Variants in RFX4 observed in about 807,000 individuals in gnomAD.
RFX4 encodes regulatory factor X4.
A neutral mutation model predicts 95.0 loss-of-function variants in RFX4; 10 were observed. That is an observed-to-expected ratio of 0.11 (90% CI 0.06 to 0.18). The LOEUF (loss-of-function observed/expected upper bound fraction) is 0.18, where lower values mean the gene tolerates loss of function less well. Ranked by LOEUF, RFX4 falls within the 10% of genes least tolerant of loss-of-function variation. The probability of loss-of-function intolerance (pLI) is 1.00; values close to 1 mark genes in which losing one functional copy is unlikely to be tolerated. For missense variants in RFX4, 640 were observed against 922.0 expected (o/e 0.69, Z 3.96); for synonymous variants, 321 against 340.7 (o/e 0.94, Z 0.64).
At chr12:106,624,691 A>G (rs969981913) in intron 2 of RFX4, among the ~76,000 whole-genome samples, 2 of 152,122 alleles carry the variant, frequency 1.3e-5, no homozygotes, top group African/African-American at 4.8e-5. Flanking sequence ...AAGAAAAGGA[A>G]TAGACCATAT....
At chr12:106,748,291 T>C (rs1007570064) in intron 16 of RFX4, among the ~76,000 whole-genome samples, 2 of 152,204 alleles carry the variant, frequency 1.3e-5, no homozygotes, top group East Asian at 1.9e-4. Context: ...TGGCTCTTTG[T>C]ACACTTCGCA....
chr12:106,708,150 A>G (rs1292908008), intron 8 of RFX4, among the ~76,000 whole-genome samples: 5 of 152,214 alleles, frequency 3.3e-5, no homozygotes, highest in Non-Finnish European at 7.3e-5. Flanking sequence ...ACTGATGAGC[A>G]GAATGATGTA....
chr12:106,659,466 T>C (rs1239225406), intron 4 of RFX4, among the ~76,000 whole-genome samples: 3 of 152,228 alleles, frequency 2.0e-5, no homozygotes, highest in African/African-American at 7.2e-5. Context: ...ACAATTGGCA[T>C]GCTCATGACG....
chr12:106,664,736 G>A (rs1417132802), intron 4 of RFX4, among the ~76,000 whole-genome samples: 1 of 151,598 alleles, frequency 6.6e-6, no homozygotes, highest in East Asian at 1.9e-4. Flanking sequence ...TTTTAATGTT[G>A]CATTTTCATT....
At chr12:106,623,652 G>C (rs781709359) in intron 2 of RFX4, among the ~76,000 whole-genome samples, 1 of 152,202 alleles carries the variant, frequency 6.6e-6, no homozygotes, top group Non-Finnish European at 1.5e-5. Context: ...TGTTAAGAAT[G>C]CTTTGGCCTG....
At chr12:106,591,261 CCTTTT>C (rs1303319366) in intron 1 of RFX4, among the ~76,000 whole-genome samples, 36 of 66,458 alleles carry the variant, frequency 5.4e-4, no homozygotes, top group African/African-American at 2.2e-3. Context: ...TAAAATAGTC[CCTTTT>C]TTTTTTTTTT....
chr12:106,680,576 A>G (rs1042048104), intron 4 of RFX4, among the ~76,000 whole-genome samples: 6 of 152,224 alleles, frequency 3.9e-5, no homozygotes, highest in Non-Finnish European at 5.9e-5. Context: ...ATTCATCCCC[A>G]TCCCTAGAGA....
chr12:106,592,182 G>A (rs2039557156), intron 1 of RFX4, among the ~76,000 whole-genome samples: 1 of 139,798 alleles, frequency 7.2e-6, no homozygotes, highest in Admixed American at 7.6e-5. Flanking sequence ...TAGGTGTCTA[G>A]TTGGGAAAGG....
At chr12:106,611,935 G>A (rs974339858) in intron 2 of RFX4, among the ~76,000 whole-genome samples, 1 of 152,198 alleles carries the variant, frequency 6.6e-6, no homozygotes, top group African/African-American at 2.4e-5. Context: ...TCATGTATGT[G>A]GAGGTTTATT....
rs189389640 is a variant in RFX4 at position 106,609,312 on chromosome 12, G to A, written c.130+429G>A. Among the ~76,000 whole-genome samples the A allele has an allele frequency of 7.2e-5, 11 of 152,294 alleles. No homozygotes were observed. In the East Asian group the frequency reaches 1.2e-3, roughly 16 times the overall value. On this transcript the variant is annotated intron_variant, in intron 2 of 17. Transcript: ENST00000392842. ...ATATCAGAAAGCAGAAATTTCTTCC[G>A]GTTCTTGGACTAGAGAGCTAGAGTT...
chr12:106,671,680 G>T (rs767683565), intron 4 of RFX4, among the ~76,000 whole-genome samples: 9 of 151,756 alleles, frequency 5.9e-5, no homozygotes, highest in Non-Finnish European at 1.0e-4. Flanking sequence ...CTTTTGTTTG[G>T]AGATGGAGTC....
chr12:106,689,351 C>A lies in RFX4; in HGVS notation c.656C>A (p.Ala219Asp). The change falls in exon 7 of 18, where the codon GCC becomes GAC. Residue 219 changes from alanine to aspartate, a missense_variant. Physicochemically the swap from Ala to Asp is moderately radical, Grantham distance 126. Around this residue, in one of 7 missense-constraint regions of RFX4, gnomAD observed 96 missense variants for 183.7 expected, o/e 0.52. Coordinates refer to ENST00000392842, the MANE Select transcript of RFX4 (RefSeq NM_213594.3). ...AGAATACTGGACACTGTAATAAGAG[C>A]CAACTTTGATGAGGTAGGTCAACAA... ...CQRILDTVIR[A>D]NFDEVQSFLL... 6.2e-7 allele frequency: 1 copy of A among 1,613,174 alleles called. No individual in the cohort carries two copies. The highest frequency in any genetic ancestry group is 8.5e-7 in the Non-Finnish European group (1 of 1,179,138).
chr12:106,603,964 C>T (rs1592840131), intron 1 of RFX4, among the ~76,000 whole-genome samples: 3 of 152,122 alleles, frequency 2.0e-5, no homozygotes, highest in Admixed American at 2.0e-4. Context: ...GAGCCAGCCA[C>T]AGCGCCAGCC....
At chr12:106,691,311 G>T (rs1196403266) in intron 7 of RFX4, among the ~76,000 whole-genome samples, 1 of 152,250 alleles carries the variant, frequency 6.6e-6, no homozygotes, top group African/African-American at 2.4e-5. Context: ...CTTTTCAGAT[G>T]TATCAACCAG....
chr12:106,728,764 C>A (rs1038297516), intron 13 of RFX4, among the ~76,000 whole-genome samples: 2 of 152,112 alleles, frequency 1.3e-5, no homozygotes, highest in African/African-American at 4.8e-5. Flanking sequence ...CTGTTTACTG[C>A]CCAATAATCT....
chr12:106,711,893 T>C (rs1049891800), intron 10 of RFX4, among the ~76,000 whole-genome samples: 1 of 152,248 alleles, frequency 6.6e-6, no homozygotes, highest in African/African-American at 2.4e-5. Context: ...TAATTTTGTT[T>C]AGTTTTTTTC....
intron 15 of RFX4, among the ~76,000 whole-genome samples, chr12:106,742,608 T>C (rs908585195): frequency 6.6e-6 from 1 of 152,164 alleles, no homozygotes; most frequent in Non-Finnish European, 1.5e-5. Flanking sequence ...AAGTTTGATA[T>C]AAGGGCCTCA....
At chr12:106,695,358 T>C (rs1214044559) in intron 7 of RFX4, among the ~76,000 whole-genome samples, 1 of 152,180 alleles carries the variant, frequency 6.6e-6, no homozygotes, top group East Asian at 1.9e-4. Flanking sequence ...ATACATCAGT[T>C]ACTATCTTCT....
chr12:106,699,183 A>G (rs1313155133), intron 8 of RFX4, among the ~76,000 whole-genome samples: 3 of 152,114 alleles, frequency 2.0e-5, no homozygotes, highest in African/African-American at 7.2e-5. Context: ...ATTTAGAAGT[A>G]AACTGTTTAA....
Sources: allele counts gnomAD v4.1 joint callset (sites outside exome capture counted in the v4.1 genomes callset), GRCh38; gene constraint gnomAD v4.1.1; regional missense constraint gnomAD v4.1.1; transcripts MANE v1.5; gene names NCBI Gene and HGNC (gene_info 2026-07-23, HGNC 2026-07-21).